The following FLNA variants were observed in gnomAD, a reference collection of about 807,000 sequenced individuals.
FLNA encodes the protein filamin A.
FLNA carries 7 observed loss-of-function variants against 157.6 expected under a neutral mutation model. That is an observed-to-expected ratio of 0.04 (90% confidence interval 0.03 to 0.08). The LOEUF is 0.08. Ranked by LOEUF, FLNA falls within the 10% of genes least tolerant of loss-of-function variation. The pLI, the probability that FLNA is intolerant of heterozygous loss-of-function variation, is 1.00. For synonymous variants in FLNA, 1,103 were observed against 1,060.8 expected (o/e 1.04, Z -0.77); for missense variants, 1,750 against 2,398.4 (o/e 0.73, Z 5.65).
intron 5 of FLNA, 36 bp downstream of exon 5, chrX:154,367,361 T>C (rs1339255532): frequency 8.3e-7 from 1 of 1,202,978 alleles, no homozygotes; most frequent in Non-Finnish European, 1.1e-6. Flanking sequence ...GGGAAGACGT[T>C]GGCACACGGG....
rs1057520884 is a variant in FLNA, at chrX:154,353,902, A to G, written c.5686+13T>C. 1.2e-5 allele frequency: 15 copies of G among 1,210,390 alleles called. No homozygotes were observed. Among genetic ancestry groups the G allele is most frequent in the Middle Eastern group, 2.3e-4 (1 of 4,286 alleles). On this transcript the variant is annotated intron_variant, in intron 35 of 47. Coordinates refer to ENST00000369850, the MANE Select transcript of FLNA (RefSeq NM_001110556.2). ...CGGGCACAGAGCAGGTCAAGACCAG[A>G]GCTATTGCTCACCCTCTCCTGCATC...
At position 154,355,162 on chromosome X, in the gene FLNA, C is replaced by T; in HGVS notation, c.4970-90G>A. 3 of 987,522 alleles carry T rather than the reference C, an allele frequency of 3.0e-6. No individual in the cohort carries two copies. The East Asian group carries it at 9.5e-5, about 31-fold the overall frequency. 81.4% of individuals were successfully genotyped at this position (987,522 alleles called of 1,213,427 possible). A position where few individuals can be genotyped will look rare whatever the true frequency, so the allele number is the denominator to read the frequency against. The stretch of plus-strand genomic sequence containing the variant: ...GTCCGCCTGCCGCCCACACAGGCCT[C>T]TCATTGCCACCACCAAGCACAGCCA... On this transcript the variant is annotated intron_variant, in intron 30 of 47. Coordinates refer to ENST00000369850, the MANE Select transcript of FLNA (RefSeq NM_001110556.2).
Position 154,361,292 on chromosome X carries a change from C to CCCATACCCCA in FLNA, c.3207+6_3207+15dup, listed in dbSNP as rs2067709318. ...ACAGTGGGTTCTACCCTTAGGGCCTCCCATACCCCAATTACCTTGCTAGGC... is the reference window on the plus strand; with the variant it reads ...ACAGTGGGTTCTACCCTTAGGGCCTCCCATACCCCACCATACCCCAATTACCTTGCTAGGC... On this transcript the variant is annotated intron_variant, in intron 21 of 47. Transcript: ENST00000369850. 6 of 1,208,768 alleles carry CCCATACCCCA rather than the reference C, an allele frequency of 5.0e-6. No homozygotes were observed. Among genetic ancestry groups the CCCATACCCCA allele is most frequent in the Non-Finnish European group, 6.7e-6 (6 of 894,719 alleles).
intron 2 of FLNA, 99 bp downstream of exon 2, chrX:154,370,774 G>T: frequency 1.1e-6 from 1 of 945,334 alleles, no homozygotes; most frequent in Non-Finnish European, 1.5e-6. Context: ...GTTGCGCTGC[G>T]GCCCGGAAGG....
chrX:154,362,192 C>T (rs1208127491), intron 18 of FLNA, 44 bp from the exon 19 acceptor site: 3 of 1,205,947 alleles, frequency 2.5e-6, no homozygotes, highest in Non-Finnish European at 1.1e-6. Context: ...CTGCCCCAAG[C>T]CCTCCTACCC....
chrX:154,349,164 C>T (rs2148100041), intron 47 of FLNA, 128 bp from the exon 48 acceptor site: 2 of 797,435 alleles, frequency 2.5e-6, no homozygotes, highest in South Asian at 2.3e-5. Flanking sequence ...CTGCCAGCAC[C>T]TCCCCAACCC....
At chrX:154,362,908 C>T in intron 15 of FLNA, 124 bp from the exon 16 acceptor site, 1 of 752,402 alleles carries the variant, frequency 1.3e-6, no homozygotes, top group South Asian at 2.6e-5. Flanking sequence ...GGCAGTTCCT[C>T]AGTTGACCAC....
intron 1 of FLNA, among the ~76,000 whole-genome samples, chrX:154,374,125 C>T (rs1603364558): frequency 8.9e-6 from 1 of 112,509 alleles, no homozygotes; most frequent in Non-Finnish European, 1.9e-5. Context: ...GAGAAGTGTC[C>T]TTCCAGGTGG....
chrX:154,361,904 T>C, intron 19 of FLNA, 75 bp downstream of exon 19: 1 of 1,137,589 alleles, frequency 8.8e-7, no homozygotes, highest in South Asian at 1.8e-5. Context: ...GGGCAGAAAG[T>C]CCCTCGGAGC....
Position 154,364,545 on chromosome X carries a change from T to C in FLNA, c.2003A>G (p.Gln668Arg), listed in dbSNP as rs1603362336. 2 of 1,209,893 alleles carry C rather than the reference T, an allele frequency of 1.7e-6. No homozygotes were observed. The highest frequency in any genetic ancestry group is 1.8e-5 in the South Asian group (1 of 56,951). Residue 668 changes from glutamine (Q) to arginine (R), a missense_variant, in exon 13 of 48, where the codon CAG (glutamine) becomes CGG (arginine). Gln to Arg is a conservative substitution (Grantham distance 43). This residue lies in a region of FLNA where 648 missense variants were observed against 805.8 expected (regional missense o/e 0.80). Transcript: ENST00000369850. ...PFMADIRDAPQDFHPDRVKAR... is the reference protein window; with the variant it reads ...PFMADIRDAPRDFHPDRVKAR... ...CTTTACCCTGTCTGGGTGGAAGTCC[T>C]GGGGCGCGTCACGGATGTCAGCCAT... is the stretch of plus-strand genomic sequence containing the variant.
rs782720915 is a variant in FLNA at position 154,353,603 on chromosome X, C to T, written c.5811G>A (p.Lys1937=). 5.0e-6 allele frequency: 6 copies of T among 1,210,824 alleles called. No homozygotes were observed. Among genetic ancestry groups the T allele is most frequent in the Non-Finnish European group, 6.7e-6 (6 of 895,355 alleles). Residue 1937 remains lysine (K), a synonymous_variant, in exon 36 of 48, where the codon AAG becomes AAA. Transcript: ENST00000369850. Reference sequence around the variant, plus strand: ...TGCCTGGGACGTGCTGTTCATTGTACTTGACTAGAATGCTGTAGTCCCCCG... The same window carrying T: ...TGCCTGGGACGTGCTGTTCATTGTATTTGACTAGAATGCTGTAGTCCCCCG... ...VLPGDYSILV[K]YNEQHVPGSP...
intron 1 of FLNA, among the ~76,000 whole-genome samples, chrX:154,372,796 T>C (rs2067818171): frequency 9.1e-6 from 1 of 109,832 alleles, no homozygotes; most frequent in Non-Finnish European, 1.9e-5. Flanking sequence ...AATTAATTTA[T>C]CTGCTAAAGA....
At position 154,354,674 on chromosome X, in the gene FLNA, A is replaced by G. The variant is rs1363194253; in HGVS notation, c.5255T>C (p.Leu1752Pro). The G allele has an allele frequency of 9.1e-6, 11 of 1,206,716 alleles. No homozygotes were observed. The highest frequency in any genetic ancestry group is 1.1e-5 in the Non-Finnish European group (10 of 893,430). Residue 1752 changes from leucine to proline, a missense_variant, in exon 32 of 48, where the codon CTA (leucine) becomes CCA (proline). Coordinates refer to ENST00000369850, the MANE Select transcript of FLNA (RefSeq NM_001110556.2). ...AGDQPSVQPP[L>P]RSQQLAPQYT... ...CTGTGGGGCCAGCTGCTGAGACCGT[A>G]GAGGGGGCTGCACCGAGGGCTGGTC...
intron 35 of FLNA, 40 bp from the exon 36 acceptor site, chrX:154,353,767 G>A (rs1557176288): frequency 7.5e-6 from 9 of 1,199,645 alleles, no homozygotes; most frequent in Non-Finnish European, 1.0e-5. Flanking sequence ...CTATGCTGGG[G>A]ACACTCCAGT....
Position 154,367,843 on chromosome X carries a change from C to T in FLNA, c.621G>A (p.Pro207=), listed in dbSNP as rs200632859. 1.4e-5 allele frequency: 17 copies of T among 1,208,885 alleles called. No homozygotes were observed. The highest frequency in any genetic ancestry group is 5.9e-5 in the East Asian group (2 of 33,735). ...TCTCCTGCCTCTGCGCCCCCTCACC[C>T]GGGGCACAGCTGTCCACCAGGGCGC... The part of the protein sequence containing the change: ...ALGALVDSCA[P]GLCPDWDSWD... The change falls in exon 3 of 48, where the codon CCG becomes CCA. Residue 207 remains proline, a splice_region_variant and synonymous_variant. Transcript: ENST00000369850.
intron 2 of FLNA, among the ~76,000 whole-genome samples, chrX:154,370,004 T>A (rs1557180034): frequency 9.0e-6 from 1 of 111,647 alleles, no homozygotes; most frequent in African/African-American, 3.3e-5. Context: ...TCACCCATTC[T>A]GGGGCCTGCC....
Position 154,366,445 on chromosome X carries a change from T to C in FLNA, c.1091A>G (p.His364Arg), listed in dbSNP as rs782626375. 8.3e-7 allele frequency: 1 copy of C among 1,211,581 alleles called. No individual in the cohort carries two copies. Among genetic ancestry groups the C allele is most frequent in the African/African-American group, 1.7e-5 (1 of 57,829 alleles). ...CACCTCGAAGGGGCTCTTGGCGATG[T>C]GCTGGCCAGCAAAGAGCACAGTAAC... ...HKVTVLFAGQ[H>R]IAKSPFEVYV... Residue 364 changes from histidine (H) to arginine (R), a missense_variant, in exon 8 of 48, where the codon CAC (histidine) becomes CGC (arginine). Physicochemically the swap from His to Arg is conservative, Grantham distance 29. This residue lies in a region of FLNA where 648 missense variants were observed against 805.8 expected (regional missense o/e 0.80). Transcript: ENST00000369850.
chrX:154,365,433 C>G lies in FLNA; in HGVS notation c.1483G>C (p.Val495Leu), dbSNP rs782653547. The G allele has an allele frequency of 8.3e-7, 1 of 1,211,709 alleles. No homozygotes were observed. Among genetic ancestry groups the G allele is most frequent in the Non-Finnish European group, 1.1e-6 (1 of 895,483 alleles). ...AVGRGLQPKGVRVKETADFKV... is the reference protein window; with the variant it reads ...AVGRGLQPKGLRVKETADFKV... ...AAGTCAGCTGTCTCCTTCACCCGCACACCCTTGGGCTGGAGGCCCCGGCCA... is the reference window on the plus strand; with the variant it reads ...AAGTCAGCTGTCTCCTTCACCCGCAGACCCTTGGGCTGGAGGCCCCGGCCA... The change falls in exon 10 of 48, where the codon GTG becomes CTG. Residue 495 changes from valine (V) to leucine (L), a missense_variant. By Grantham distance (32) the Val-to-Leu change is conservative (BLOSUM62 1). Around this residue, in one of 5 missense-constraint regions of FLNA, gnomAD observed 648 missense variants for 805.8 expected, o/e 0.80. Transcript: ENST00000369850.
chrX:154,349,061 C>A (rs782239430), intron 47 of FLNA, 25 bp from the exon 48 acceptor site: 1 of 1,176,794 alleles, frequency 8.5e-7, no homozygotes, highest in African/African-American at 1.8e-5. Context: ...GTCCTCAGTC[C>A]CAGGTCCCAG....
Sources: gnomAD v4.1 joint callset for allele counts (sites outside exome capture counted in the v4.1 genomes callset) on GRCh38, gnomAD v4.1.1 for gene constraint, gnomAD v4.1.1 regional missense constraint, MANE v1.5 for transcripts, NCBI Gene and HGNC (gene_info 2026-07-23, HGNC 2026-07-21) for gene names.